The following PRIM2 variants were observed in gnomAD, a reference collection of about 807,000 sequenced individuals.
PRIM2 encodes DNA primase subunit 2.
PRIM2 carries 39 observed loss-of-function variants against 67.3 expected under a neutral mutation model. The observed-to-expected ratio is 0.58, with a 90% CI of 0.45 to 0.76. The LOEUF (loss-of-function observed/expected upper bound fraction) is 0.76, where lower values mean the gene tolerates loss of function less well. PRIM2 is among the 30% of genes least tolerant of loss of function. The pLI is 0.00. For synonymous variants in PRIM2, 143 were observed against 198.7 expected, an observed-to-expected ratio of 0.72 and a Z score of 2.36; for missense variants, 398 against 598.7, an observed-to-expected ratio of 0.66 and a Z score of 3.50.
intron 10 of PRIM2, among the ~76,000 whole-genome samples, chr6:57,592,942 T>TA (rs1385428755): frequency 6.6e-6 from 1 of 152,118 alleles, no homozygotes; most frequent in Non-Finnish European, 1.5e-5. Context: ...ATAAATACTT[T>TA]AAAAAATATA....
intron 2 of PRIM2, 68 bp downstream of exon 2, chr6:57,318,667 G>A (rs1466889869): frequency 1.6e-6 from 2 of 1,269,786 alleles, no homozygotes; most frequent in Non-Finnish European, 2.2e-6. Context: ...GAGAATGAAT[G>A]AAGGTAATTC....
intron 8 of PRIM2, among the ~76,000 whole-genome samples, chr6:57,524,232 A>T (rs1554349160): frequency 6.6e-6 from 1 of 152,208 alleles, no homozygotes; most frequent in East Asian, 1.9e-4. Flanking sequence ...TAAATTATTG[A>T]AATTCTGTTA....
chr6:57,620,810 C>G (rs2127496880), intron 12 of PRIM2, among the ~76,000 whole-genome samples: 1 of 152,362 alleles, frequency 6.6e-6, no homozygotes, highest in Admixed American at 6.5e-5. Context: ...AACTCATCAA[C>G]CAACAATCTG....
intron 5 of PRIM2, among the ~76,000 whole-genome samples, chr6:57,330,508 G>A (rs1768024850): frequency 6.6e-6 from 1 of 150,584 alleles, no homozygotes; most frequent in South Asian, 2.1e-4. Context: ...CTAATTTTTT[G>A]TATTGAACTT....
intron 7 of PRIM2, among the ~76,000 whole-genome samples, chr6:57,396,917 A>G (rs1274081241): frequency 1.3e-5 from 2 of 152,186 alleles, no homozygotes; most frequent in Non-Finnish European, 2.9e-5. Context: ...TCTTTCCTAC[A>G]TATATGATGC....
chr6:57,566,226 C>T (rs1200009571), intron 10 of PRIM2, among the ~76,000 whole-genome samples: 1 of 146,610 alleles, frequency 6.8e-6, no homozygotes, highest in South Asian at 2.1e-4. Flanking sequence ...TACGTAGATT[C>T]AGGCGCAACC....
At chr6:57,592,484 G>T (rs1776297531) in intron 10 of PRIM2, among the ~76,000 whole-genome samples, 1 of 152,146 alleles carries the variant, frequency 6.6e-6, no homozygotes, top group Admixed American at 6.5e-5. Context: ...CATAATGAAG[G>T]TTTTGTTGCT....
In PRIM2 at chr6:57,457,809, G is replaced by A. The variant is rs374570120; in HGVS notation, c.694-49578G>A. Among the ~76,000 whole-genome samples the A allele has an allele frequency of 6.6e-4, 101 of 152,222 alleles. 4 individuals are homozygous for A. In the South Asian group the frequency reaches 0.02, roughly 30 times the overall value. ...ACCCACTGTCCTGCACCCACTTTCCGACACTCACCAGTGAGATGAACCCGG... is the reference window on the plus strand; with the variant it reads ...ACCCACTGTCCTGCACCCACTTTCCAACACTCACCAGTGAGATGAACCCGG... On this transcript the variant is annotated intron_variant, in intron 7 of 13. Transcript: ENST00000615550.
At chr6:57,385,016 C>T (rs951469272) in intron 7 of PRIM2, among the ~76,000 whole-genome samples, 19 of 152,154 alleles carry the variant, frequency 1.2e-4, no homozygotes, top group Non-Finnish European at 2.5e-4. Flanking sequence ...ATTTGCCACA[C>T]ATTTTTATTT....
intron 5 of PRIM2, among the ~76,000 whole-genome samples, chr6:57,337,362 A>C (rs530713378): frequency 6.6e-6 from 1 of 152,092 alleles, no homozygotes; most frequent in Non-Finnish European, 1.5e-5. Context: ...AAGCAGACCT[A>C]ATAGACATCT....
intron 7 of PRIM2, among the ~76,000 whole-genome samples, chr6:57,474,475 A>C (rs1220833678): frequency 0.29 from 43,925 of 151,776 alleles, 6,572 homozygotes; most frequent in East Asian, 0.45. Flanking sequence ...CGCCCAGCTT[A>C]CTCTGCTATC....
chr6:57,253,365 G>T, the PRIM2 span, among the ~76,000 whole-genome samples: 251 of 152,206 alleles, frequency 1.6e-3, 5 homozygotes, highest in South Asian at 0.028. Flanking sequence ...TATAAACTAT[G>T]GTCTATAAAT....
intron 7 of PRIM2, among the ~76,000 whole-genome samples, chr6:57,411,328 C>T (rs2894853): frequency 4.6e-5 from 7 of 152,270 alleles, no homozygotes; most frequent in East Asian, 1.9e-4. Flanking sequence ...TAGTAGCTTA[C>T]GCCTATAATC....
At chr6:57,293,822 A>G in the PRIM2 span, among the ~76,000 whole-genome samples, 2 of 135,732 alleles carry the variant, frequency 1.5e-5, no homozygotes, top group African/African-American at 2.8e-5. Context: ...AATGTCACAC[A>G]CTGGGGCCTG....
chr6:57,550,461 A>G (rs1436316415), intron 10 of PRIM2, among the ~76,000 whole-genome samples: 3 of 152,126 alleles, frequency 2.0e-5, no homozygotes, highest in Non-Finnish European at 4.4e-5. Context: ...GGTTAAGTCT[A>G]TCATTAGAAT....
At chr6:57,492,535 C>G (rs1346165484) in intron 7 of PRIM2, among the ~76,000 whole-genome samples, 1 of 121,962 alleles carries the variant, frequency 8.2e-6, no homozygotes, top group African/African-American at 3.0e-5. Flanking sequence ...AGAGGGAGAA[C>G]TCTCTCTAAA....
chr6:57,557,698 T>C (rs1259494391), intron 10 of PRIM2, among the ~76,000 whole-genome samples: 4 of 151,538 alleles, frequency 2.6e-5, no homozygotes, highest in South Asian at 2.1e-4. Flanking sequence ...TGATGAAATA[T>C]CTATACACCA....
At chr6:57,585,913 G>A (rs1776179563) in intron 10 of PRIM2, among the ~76,000 whole-genome samples, 2 of 152,202 alleles carry the variant, frequency 1.3e-5, no homozygotes, top group African/African-American at 2.4e-5. Flanking sequence ...TGAACCATCT[G>A]TTGAGACTTC....
intron 7 of PRIM2, among the ~76,000 whole-genome samples, chr6:57,484,707 T>G (rs1773714078): frequency 6.6e-6 from 1 of 152,208 alleles, no homozygotes; most frequent in Non-Finnish European, 1.5e-5. Flanking sequence ...CCTTTACATT[T>G]GCTTTTTCTT....
Sources: gnomAD v4.1 joint callset for allele counts (sites outside exome capture counted in the v4.1 genomes callset) on GRCh38, gnomAD v4.1.1 for gene constraint, MANE v1.5 for transcripts, NCBI Gene and HGNC (gene_info 2026-07-23, HGNC 2026-07-21) for gene names.